The following KAT7 variants were observed in gnomAD, a reference collection of about 807,000 sequenced individuals.
KAT7 encodes the protein histone acetyltransferase KAT7.
KAT7 carries 10 observed loss-of-function variants against 82.1 expected under a neutral mutation model. That is an observed-to-expected ratio of 0.12 (90% confidence interval 0.08 to 0.21). The LOEUF (loss-of-function observed/expected upper bound fraction) is 0.21. Ranked by LOEUF, KAT7 falls within the 10% of genes least tolerant of loss-of-function variation. KAT7 has a pLI of 1.00. For missense variants in KAT7, 378 were observed against 760.9 expected, an observed-to-expected ratio of 0.50 and a Z score of 5.92; for synonymous variants, 250 against 262.5, an observed-to-expected ratio of 0.95 and a Z score of 0.46.
intron 4 of KAT7, among the ~76,000 whole-genome samples, chr17:49,804,831 C>T (rs2074071884): frequency 6.6e-6 from 1 of 152,054 alleles, no homozygotes; most frequent in Non-Finnish European, 1.5e-5. Flanking sequence ...AGTTCTCCCT[C>T]CAAAAAATAA....
At position 49,827,565 on chromosome 17, in the gene KAT7, C is replaced by A. The variant is rs781187169; in HGVS notation, c.*63C>A. 18 of 945,974 alleles carry A rather than the reference C, an allele frequency of 1.9e-5. No individual in the cohort carries two copies. The highest frequency in any genetic ancestry group is 2.8e-5 in the Non-Finnish European group (16 of 580,920). 58.6% of individuals were successfully genotyped at this position (945,974 alleles called of 1,614,324 possible). On this transcript the variant is annotated 3_prime_UTR_variant, in exon 15 of 15. Transcript: ENST00000259021. ...AGGAATCCGTACCCTAGGGATCTGT[C>A]TGTCATTTCTCTGTTGCTCTTGTGA... is the stretch of plus-strand genomic sequence containing the variant.
chr17:49,792,501 T>C (rs910365411), intron 2 of KAT7, among the ~76,000 whole-genome samples: 2 of 152,130 alleles, frequency 1.3e-5, no homozygotes, highest in African/African-American at 4.8e-5. Flanking sequence ...TTTAGAATTT[T>C]GAATTTCGGT....
chr17:49,796,611 T>G, intron 2 of KAT7, 139 bp from the exon 3 acceptor site: 1 of 607,458 alleles, frequency 1.6e-6, no homozygotes, highest in Non-Finnish European at 2.7e-6. Context: ...TTTTATTTAA[T>G]TAAATAGATA....
At chr17:49,789,495 A>T (rs2073856243) in intron 1 of KAT7, 2 of 152,174 alleles carry the variant, frequency 1.3e-5, no homozygotes. Flanking sequence ...TAGAAAATGC[A>T]GTTGGTAAAA....
At position 49,833,431 on chromosome 17, in the gene KAT7, C is replaced by G. The variant is rs148837773; in HGVS notation, c.*5929C>G. On this transcript the variant is annotated 3_prime_UTR_variant, in exon 15 of 15. Transcript: ENST00000259021. ...GATCATCTCCAAAGATGGCCACCAA[C>G]AGTTGCTCTCATCCTCTGTGCACGT... 6.6e-6 allele frequency: 1 copy of G among 152,316 alleles called. No homozygotes were observed. Among genetic ancestry groups the G allele is most frequent in the African/African-American group, 2.4e-5 (1 of 41,568 alleles). 9.4% of individuals were successfully genotyped at this position (152,316 alleles called of 1,614,324 possible).
intron 5 of KAT7, among the ~76,000 whole-genome samples, chr17:49,807,447 T>C (rs2143908947): frequency 6.6e-6 from 1 of 152,336 alleles, no homozygotes. Flanking sequence ...GAGGCGCGGC[T>C]AAACTGATGG....
intron 6 of KAT7, among the ~76,000 whole-genome samples, chr17:49,809,849 A>G (rs1274619279): frequency 6.6e-6 from 1 of 152,166 alleles, no homozygotes; most frequent in Non-Finnish European, 1.5e-5. Context: ...ATTTTTCCCA[A>G]ATTCTCTCCC....
intron 9 of KAT7, among the ~76,000 whole-genome samples, chr17:49,820,763 T>C (rs1410346633): frequency 5.3e-5 from 8 of 149,962 alleles, no homozygotes; most frequent in Non-Finnish European, 1.2e-4. Flanking sequence ...TTTTTTTTTT[T>C]TTTTTTCTTT....
In KAT7 at chr17:49,820,747, CTTTTT is replaced by C. The variant is rs776024422; in HGVS notation, c.1156-572_1156-568del. Among the ~76,000 whole-genome samples the C allele has an allele frequency of 1.5e-4, 15 of 99,070 alleles. No individual in the cohort carries two copies. In the East Asian group the frequency reaches 2.6e-3, roughly 17 times the overall value. 65.0% of individuals were successfully genotyped at this position (99,070 alleles called of 152,430 possible). On this transcript the variant is annotated intron_variant, in intron 9 of 14. Transcript: ENST00000259021. ...CCTGCTGCTCAGCTAGGCTGCTTGCCTTTTTTTTTTTTTTTTTTTTTTCTTTTTTT... is the reference window on the plus strand; with the variant it reads ...CCTGCTGCTCAGCTAGGCTGCTTGCCTTTTTTTTTTTTTTTTTCTTTTTTT...
intron 7 of KAT7, among the ~76,000 whole-genome samples, chr17:49,814,269 G>T (rs1279838398): frequency 1.3e-5 from 2 of 152,130 alleles, no homozygotes; most frequent in African/African-American, 4.8e-5. Context: ...AATGTAAGAT[G>T]GGTTGTGGGG....
chr17:49,828,431 C>G lies in KAT7; in HGVS notation c.*929C>G, dbSNP rs376826882. 6.6e-6 allele frequency: 1 copy of G among 152,272 alleles called. No individual in the cohort carries two copies. Among genetic ancestry groups the G allele is most frequent in the Non-Finnish European group, 1.5e-5 (1 of 68,034 alleles). 9.4% of individuals were successfully genotyped at this position (152,272 alleles called of 1,614,324 possible). ...AGTCTGATACAGTACATCTGTACTT[C>G]CATATACCTTGCACTGATTTTGTCT... On this transcript the variant is annotated 3_prime_UTR_variant, in exon 15 of 15. Transcript: ENST00000259021.
In KAT7 at chr17:49,833,475, T is replaced by A. The variant is rs1256784875; in HGVS notation, c.*5973T>A. On this transcript the variant is annotated 3_prime_UTR_variant, in exon 15 of 15. Coordinates refer to ENST00000259021, the MANE Select transcript of KAT7 (RefSeq NM_007067.5). Reference sequence around the variant, plus strand: ...TGCACGTGCTATTTCCAATAAGGTCTATTTTTTTCTACAGTGAGGGCTGAA... The same window carrying A: ...TGCACGTGCTATTTCCAATAAGGTCAATTTTTTTCTACAGTGAGGGCTGAA... The A allele has an allele frequency of 6.6e-6, 1 of 152,244 alleles. No individual in the cohort carries two copies. The highest frequency in any genetic ancestry group is 1.5e-5 in the Non-Finnish European group (1 of 68,038). 9.4% of individuals were successfully genotyped at this position (152,244 alleles called of 1,614,324 possible). A position where few individuals can be genotyped will look rare whatever the true frequency, so the allele number is the denominator to read the frequency against.
intron 1 of KAT7, among the ~76,000 whole-genome samples, chr17:49,790,692 G>A (rs1226370421): frequency 6.6e-6 from 1 of 152,134 alleles, no homozygotes; most frequent in African/African-American, 2.4e-5. Flanking sequence ...CTCATTTAGT[G>A]TGACTGTTTA....
At chr17:49,808,638 G>A (rs2074123079) in intron 5 of KAT7, among the ~76,000 whole-genome samples, 2 of 151,796 alleles carry the variant, frequency 1.3e-5, no homozygotes, top group Admixed American at 1.3e-4. Context: ...TTTTAATAGA[G>A]ACGGGGTTTC....
rs910810603 is a variant in KAT7, at chr17:49,828,934, TC to T, written c.*1436del. ...AATTTTAAGCATGTTCAGTGGCAGC[TC>T]CCCTCCAGTTTCAGTGTCACTGTTA... is the stretch of plus-strand genomic sequence containing the variant. On this transcript the variant is annotated 3_prime_UTR_variant, in exon 15 of 15. Transcript: ENST00000259021. 16 of 153,140 alleles carry T rather than the reference TC, an allele frequency of 1.0e-4. No individual in the cohort carries two copies. Among genetic ancestry groups the T allele is most frequent in the African/African-American group, 3.6e-4 (15 of 41,574 alleles). 9.5% of individuals were successfully genotyped at this position (153,140 alleles called of 1,614,324 possible). A position where few individuals can be genotyped will look rare whatever the true frequency, so the allele number is the denominator to read the frequency against.
chr17:49,817,462 T>G (rs2074248193), intron 8 of KAT7, among the ~76,000 whole-genome samples: 1 of 152,222 alleles, frequency 6.6e-6, no homozygotes, highest in Non-Finnish European at 1.5e-5. Flanking sequence ...ACACACACTT[T>G]TAAAAACAAA....
At chr17:49,821,846 C>T (rs943491718) in intron 11 of KAT7, 56 bp downstream of exon 11, 32 of 1,541,750 alleles carry the variant, frequency 2.1e-5, no homozygotes, top group African/African-American at 2.7e-5. Flanking sequence ...GATCCATGTT[C>T]GCAGTTGGGG....
In KAT7 at chr17:49,826,784, A is replaced by C. The variant is rs2074373481; in HGVS notation, c.1719A>C (p.Leu573=). 1 of 1,606,172 alleles carries C rather than the reference A, an allele frequency of 6.2e-7. No individual in the cohort carries two copies. The highest frequency in any genetic ancestry group is 1.7e-5 in the Admixed American group (1 of 59,978). ...TCAAATACTGGAAGGGAAAACACCT[A>C]GTTTTAAAGAGACAGGTAAGGTTCT... ...QMLKYWKGKH[L]VLKRQDLIDE... Residue 573 remains leucine, a synonymous_variant, in exon 14 of 15, where the codon CTA becomes CTC. Transcript: ENST00000259021.
intron 12 of KAT7, among the ~76,000 whole-genome samples, chr17:49,825,187 A>G (rs2074354168): frequency 6.6e-6 from 1 of 152,158 alleles, no homozygotes; most frequent in African/African-American, 2.4e-5. Flanking sequence ...CTGCATCTCC[A>G]TAGTGTTGTT....
Sources: gnomAD v4.1 joint callset for allele counts (sites outside exome capture counted in the v4.1 genomes callset) on GRCh38, gnomAD v4.1.1 for gene constraint, MANE v1.5 for transcripts, NCBI Gene and HGNC (gene_info 2026-07-23, HGNC 2026-07-21) for gene names.